The following RASGRF2 variants were observed in gnomAD, a reference collection of about 807,000 sequenced individuals.
The protein encoded by RASGRF2 is Ras protein specific guanine nucleotide releasing factor 2, also known as ras-specific guanine nucleotide-releasing factor 2.
In RASGRF2, 76 loss-of-function variants were observed where a neutral mutation model predicts 151.0. The ratio of observed to expected loss-of-function variants is 0.50; its 90% CI spans 0.42 to 0.61. RASGRF2 has a LOEUF of 0.61. RASGRF2 is among the 20% of genes least tolerant of loss of function. The pLI is 0.00. For missense variants in RASGRF2, 1,148 were observed against 1,564.6 expected, an observed-to-expected ratio of 0.73 and a Z score of 4.49; for synonymous variants, 504 against 566.5, an observed-to-expected ratio of 0.89 and a Z score of 1.57.
At chr5:80,998,234 T>C (rs1402521652) in intron 1 of RASGRF2, among the ~76,000 whole-genome samples, 1 of 152,172 alleles carries the variant, frequency 6.6e-6, no homozygotes, top group Non-Finnish European at 1.5e-5. Context: ...TTCCCAATTT[T>C]ATAACTTTTA....
At chr5:81,162,543 T>C (rs1419618520) in intron 17 of RASGRF2, among the ~76,000 whole-genome samples, 2 of 148,552 alleles carry the variant, frequency 1.3e-5, no homozygotes, top group African/African-American at 5.0e-5. Context: ...GAGACGGGTT[T>C]CACCATTTTG....
At chr5:81,100,990 G>T (rs943244600) in intron 12 of RASGRF2, among the ~76,000 whole-genome samples, 1 of 152,104 alleles carries the variant, frequency 6.6e-6, no homozygotes, top group Non-Finnish European at 1.5e-5. Flanking sequence ...GAAGTCACTC[G>T]CAACACTTGT....
chr5:81,164,035 A>G (rs1487330373), intron 17 of RASGRF2, among the ~76,000 whole-genome samples: 2 of 152,218 alleles, frequency 1.3e-5, no homozygotes, highest in African/African-American at 2.4e-5. Flanking sequence ...AAATGGGGAT[A>G]ACTCTGACTT....
intron 1 of RASGRF2, among the ~76,000 whole-genome samples, chr5:81,025,338 G>C (rs1284143199): frequency 3.3e-5 from 5 of 152,174 alleles, no homozygotes; most frequent in African/African-American, 1.2e-4. Context: ...TCTTGCACAG[G>C]CCAGACATCA....
intron 2 of RASGRF2, among the ~76,000 whole-genome samples, chr5:81,059,241 G>A (rs904320283): frequency 1.4e-4 from 21 of 151,594 alleles, no homozygotes; most frequent in Non-Finnish European, 2.5e-4. Flanking sequence ...AAAATTAGCC[G>A]GGCCTGGTGG....
At chr5:81,207,100 T>C in intron 20 of RASGRF2, 146 bp from the exon 21 acceptor site, 1 of 821,230 alleles carries the variant, frequency 1.2e-6, no homozygotes, top group South Asian at 1.7e-5. Flanking sequence ...CTTTGATACT[T>C]TTAGCTTTCT....
At chr5:81,093,037 TC>T in intron 10 of RASGRF2, 76 bp downstream of exon 10, 1 of 1,403,766 alleles carries the variant, frequency 7.1e-7, no homozygotes, top group Non-Finnish European at 9.7e-7. Flanking sequence ...TTTGAGACTT[TC>T]CCATGCTTGG....
chr5:80,962,305 A>G (rs967581379), intron 1 of RASGRF2, among the ~76,000 whole-genome samples: 1 of 152,248 alleles, frequency 6.6e-6, no homozygotes, highest in Non-Finnish European at 1.5e-5. Flanking sequence ...TTCCAACTTT[A>G]TAGATATAGA....
intron 14 of RASGRF2, 115 bp from the exon 15 acceptor site, chr5:81,113,423 A>G: frequency 8.0e-7 from 1 of 1,244,460 alleles, no homozygotes. Context: ...AAGTCCAGCA[A>G]TAGAAGTGCA....
chr5:81,022,898 G>T lies in RASGRF2; in HGVS notation c.289-19979G>T, dbSNP rs554047053. On this transcript the variant is annotated intron_variant, in intron 1 of 26. Coordinates refer to ENST00000265080, the MANE Select transcript of RASGRF2 (RefSeq NM_006909.3). ...GTTGCGTCAGTGGGTCTAGTTCTAG[G>T]TGAGGGCTAATAAATTCCAGAAAGA... Among the ~76,000 whole-genome samples the T allele has an allele frequency of 1.2e-4, 19 of 152,334 alleles. No homozygotes were observed. In the South Asian group the frequency reaches 3.7e-3, roughly 30 times the overall value.
intron 2 of RASGRF2, among the ~76,000 whole-genome samples, chr5:81,057,165 C>T (rs969322855): frequency 6.6e-6 from 1 of 152,128 alleles, no homozygotes; most frequent in East Asian, 1.9e-4. Context: ...GAATTTGATC[C>T]TGTCATTATG....
At chr5:80,969,172 C>A (rs1244636798) in intron 1 of RASGRF2, among the ~76,000 whole-genome samples, 3 of 142,010 alleles carry the variant, frequency 2.1e-5, no homozygotes, top group Admixed American at 7.2e-5. Flanking sequence ...GCTCTGTCAC[C>A]CAGGCTGGAG....
chr5:81,163,443 G>A (rs1438735033), intron 17 of RASGRF2, among the ~76,000 whole-genome samples: 1 of 151,924 alleles, frequency 6.6e-6, no homozygotes. Flanking sequence ...TTGAATTAAG[G>A]TATAAATATA....
intron 12 of RASGRF2, among the ~76,000 whole-genome samples, chr5:81,097,743 T>A (rs1479093229): frequency 6.6e-6 from 1 of 151,818 alleles, no homozygotes; most frequent in African/African-American, 2.4e-5. Flanking sequence ...AGGAATACCA[T>A]GAAAGGCAGT....
At chr5:81,119,350 A>G (rs1052558678) in intron 15 of RASGRF2, among the ~76,000 whole-genome samples, 5 of 152,228 alleles carry the variant, frequency 3.3e-5, no homozygotes, top group Non-Finnish European at 2.9e-5. Context: ...TATAGTGGAA[A>G]GTATCACATG....
At chr5:81,072,678 C>T (rs978674889) in intron 4 of RASGRF2, among the ~76,000 whole-genome samples, 1 of 151,730 alleles carries the variant, frequency 6.6e-6, no homozygotes, top group African/African-American at 2.4e-5. Context: ...TCTGGTAACA[C>T]GAGATTAAAA....
chr5:81,005,566 G>C (rs528426092), intron 1 of RASGRF2, among the ~76,000 whole-genome samples: 1 of 152,054 alleles, frequency 6.6e-6, no homozygotes, highest in Non-Finnish European at 1.5e-5. Flanking sequence ...TAGCATATTT[G>C]TATTTCACTC....
chr5:81,155,803 G>A (rs536250424), intron 17 of RASGRF2, among the ~76,000 whole-genome samples: 1 of 152,288 alleles, frequency 6.6e-6, no homozygotes, highest in South Asian at 2.1e-4. Flanking sequence ...GTTCTGGCCA[G>A]GTATGTCTAT....
chr5:81,079,307 T>C (rs748508695), intron 5 of RASGRF2, among the ~76,000 whole-genome samples: 11 of 152,210 alleles, frequency 7.2e-5, no homozygotes, highest in Non-Finnish European at 1.3e-4. Context: ...AAAAATAAAT[T>C]AGAATCTCAT....
Sources: gnomAD v4.1 joint callset for allele counts (sites outside exome capture counted in the v4.1 genomes callset) on GRCh38, gnomAD v4.1.1 for gene constraint, MANE v1.5 for transcripts, NCBI Gene and HGNC (gene_info 2026-07-23, HGNC 2026-07-21) for gene names.